Variants in POU5F2 observed in about 807,000 individuals in gnomAD.
POU5F2 encodes the protein POU domain class 5, transcription factor 2.
For synonymous variants in POU5F2, 191 were observed against 178.7 expected (o/e 1.07, Z -0.55); for missense variants, 401 against 426.6 (o/e 0.94, Z 0.53).
chr5:93,734,104 AC>A lies in POU5F2; in HGVS notation c.*6472del, dbSNP rs1157905385. ...TTGAAATAAGGGCAGGTATCCAAAC[AC>A]CTCATGATTTCTTAGAGAATAAGAA... On this transcript the variant is annotated 3_prime_UTR_variant, in exon 1 of 1. Transcript: ENST00000606183. The A allele has an allele frequency of 6.6e-6, 1 of 152,200 alleles. No homozygotes were observed. Among genetic ancestry groups the A allele is most frequent in the Non-Finnish European group, 1.5e-5 (1 of 68,036 alleles). The allele number at this position is 152,200 out of a possible 1,614,324, so 9.4% of individuals were successfully genotyped here.
In POU5F2 at chr5:93,735,729, T is replaced by A. The variant is rs1747084428; in HGVS notation, c.*4848A>T. ...AAGCTAAGCAATTAGGATTTGGCTT[T>A]ATTTTCACTAACTTATGTGGATCCT... is the stretch of plus-strand genomic sequence containing the variant. On this transcript the variant is annotated 3_prime_UTR_variant, in exon 1 of 1. Transcript: ENST00000606183. 6.6e-6 allele frequency: 1 copy of A among 152,294 alleles called. No individual in the cohort carries two copies. The highest frequency in any genetic ancestry group is 1.9e-4 in the East Asian group (1 of 5,172). The allele number at this position is 152,294 out of a possible 1,614,324, so 9.4% of individuals were successfully genotyped here. A position where few individuals can be genotyped will look rare whatever the true frequency, so the allele number is the denominator to read the frequency against.
chr5:93,741,309 A>G lies in POU5F2; in HGVS notation c.255T>C (p.Ala85=), dbSNP rs111528856. 4.3e-6 allele frequency: 7 copies of G among 1,613,468 alleles called. No individual in the cohort carries two copies. The change falls in exon 1 of 1, where the codon GCT becomes GCC. Residue 85 remains alanine, a synonymous_variant. Transcript: ENST00000606183. ...GTCGCAACCAGTCCCCTGCCTCACT[A>G]GCTCCAAGACGGGGCCTGCAGGGTG... The part of the protein sequence containing the change: ...WIAPCRPRLG[A]SEAGDWLRRP...
chr5:93,734,466 T>TA lies in POU5F2; in HGVS notation c.*6110dup, dbSNP rs1561421072. ...TCCTCTTTGAATATGTGATGAAGGC[T>TA]ATGAACCATCTTTAAAGAAAATGCA... On this transcript the variant is annotated 3_prime_UTR_variant, in exon 1 of 1. Transcript: ENST00000606183. 6.6e-6 allele frequency: 1 copy of TA among 152,202 alleles called. No homozygotes were observed. Among genetic ancestry groups the TA allele is most frequent in the African/African-American group, 2.4e-5 (1 of 41,454 alleles). 9.4% of individuals were successfully genotyped at this position (152,202 alleles called of 1,614,324 possible). A position where few individuals can be genotyped will look rare whatever the true frequency, so the allele number is the denominator to read the frequency against.
chr5:93,740,916 GCTTGCCCGT>G lies in POU5F2; in HGVS notation c.639_647del (p.Arg213_Ala215del). On this transcript the variant is annotated inframe_deletion, in exon 1 of 1. Transcript: ENST00000606183. ...GGCTGTTTCCGATTCGTCGCTCTCT[GCTTGCCCGT>G]CTCCACTTCCCAGACTGTTGCAGGA... The G allele has an allele frequency of 1.9e-6, 3 of 1,613,966 alleles. No homozygotes were observed. Among genetic ancestry groups the G allele is most frequent in the Non-Finnish European group, 2.5e-6 (3 of 1,179,896 alleles).
Position 93,737,985 on chromosome 5 carries a change from T to C in POU5F2, c.*2592A>G, listed in dbSNP as rs761650314. On this transcript the variant is annotated 3_prime_UTR_variant, in exon 1 of 1. Transcript: ENST00000606183. Reference sequence around the variant, plus strand: ...ATGGATAAGCTGGACTTAATAAAAATTAAAGTCTGTCTGCATCAAAAGATA... The same window carrying C: ...ATGGATAAGCTGGACTTAATAAAAACTAAAGTCTGTCTGCATCAAAAGATA... 1 of 425,638 alleles carries C rather than the reference T, an allele frequency of 2.3e-6. No individual in the cohort carries two copies. Among genetic ancestry groups the C allele is most frequent in the South Asian group, 1.7e-5 (1 of 57,196 alleles). The allele number at this position is 425,638 out of a possible 1,614,324, so 26.4% of individuals were successfully genotyped here. A position where few individuals can be genotyped will look rare whatever the true frequency, so the allele number is the denominator to read the frequency against.
Position 93,741,397 on chromosome 5 carries a change from G to A in POU5F2, c.167C>T (p.Pro56Leu), listed in dbSNP as rs753112880. 1 of 1,613,286 alleles carries A rather than the reference G, an allele frequency of 6.2e-7. No individual in the cohort carries two copies. Among genetic ancestry groups the A allele is most frequent in the Non-Finnish European group, 8.5e-7 (1 of 1,179,736 alleles). ...GGGAATCCTCCACACGTCAGGGCCT[G>A]GGCAGATCCCTGGCCTGACTGCCGG... ...VWPAVRPGICPGPDVWRIPLG... is the reference protein window; with the variant it reads ...VWPAVRPGICLGPDVWRIPLG... The change falls in exon 1 of 1, where the codon CCA becomes CTA. Residue 56 changes from proline to leucine, a missense_variant. Coordinates refer to ENST00000606183, the MANE Select transcript of POU5F2 (RefSeq NM_153216.2).
chr5:93,740,691 G>C lies in POU5F2; in HGVS notation c.873C>G (p.Cys291Trp). ...CTGGGAGCCCCAGTCCCAGGTGAAA[G>C]CACACTGGTGCTCCTGGGCAAGGAG... is the stretch of plus-strand genomic sequence containing the variant. ...AGPPCPGAPV[C>W]FHLGLGLPVD... Residue 291 changes from cysteine (C) to tryptophan (W), a missense_variant, in exon 1 of 1, where the codon TGC becomes TGG. Physicochemically the swap from Cys to Trp is radical, Grantham distance 215 (BLOSUM62 -2). Transcript: ENST00000606183. The C allele has an allele frequency of 6.2e-7, 1 of 1,613,838 alleles. No individual in the cohort carries two copies. Among genetic ancestry groups the C allele is most frequent in the Non-Finnish European group, 8.5e-7 (1 of 1,179,810 alleles).
Position 93,741,020 on chromosome 5 carries a change from G to A in POU5F2, c.544C>T (p.Pro182Ser). 2 of 1,613,798 alleles carry A rather than the reference G, an allele frequency of 1.2e-6. No homozygotes were observed. Among genetic ancestry groups the A allele is most frequent in the Non-Finnish European group, 1.7e-6 (2 of 1,179,900 alleles). Reference sequence around the variant, plus strand: ...TCCTTCAGCCACTTTTTCAGCAGTGGTCGCAGCTTCCACATGTTGGCGACG... The same window carrying A: ...TCCTTCAGCCACTTTTTCAGCAGTGATCGCAGCTTCCACATGTTGGCGACG... ...LSVANMWKLR[P>S]LLKKWLKEVE... Residue 182 changes from proline (P) to serine (S), a missense_variant, in exon 1 of 1, where the codon CCA (proline) becomes TCA (serine). Coordinates refer to ENST00000606183, the MANE Select transcript of POU5F2 (RefSeq NM_153216.2).
In POU5F2 at chr5:93,734,342, C is replaced by CTATTATATAGGT. The variant is rs1399500714; in HGVS notation, c.*6223_*6234dup. On this transcript the variant is annotated 3_prime_UTR_variant, in exon 1 of 1. Transcript: ENST00000606183. ...AGATTCAAAGAAAACCAGAAATTAC[C>CTATTATATAGGT]TATTATATAGGTACTGTCAAAAGAA... The CTATTATATAGGT allele has an allele frequency of 1.3e-5, 2 of 151,982 alleles. No homozygotes were observed. The highest frequency in any genetic ancestry group is 2.9e-5 in the Non-Finnish European group (2 of 67,990). 9.4% of individuals were successfully genotyped at this position (151,982 alleles called of 1,614,324 possible).
At position 93,733,761 on chromosome 5, in the gene POU5F2, G is replaced by C. The variant is rs187483184; in HGVS notation, c.*6816C>G. ...TCCTAAGTTTTATTCTTTCAGTTTA[G>C]AATCACTTTGTCAAGGACATTTCCA... On this transcript the variant is annotated 3_prime_UTR_variant, in exon 1 of 1. Coordinates refer to ENST00000606183, the MANE Select transcript of POU5F2 (RefSeq NM_153216.2). The C allele has an allele frequency of 4.2e-4, 64 of 152,090 alleles. No homozygotes were observed. Among genetic ancestry groups the C allele is most frequent in the Non-Finnish European group, 4.4e-5 (3 of 67,998 alleles). The allele number at this position is 152,090 out of a possible 1,614,324, so 9.4% of individuals were successfully genotyped here.
chr5:93,739,947 C>T lies in POU5F2; in HGVS notation c.*630G>A, dbSNP rs1021121575. The T allele has an allele frequency of 7.0e-6, 1 of 142,572 alleles. No homozygotes were observed. Among genetic ancestry groups the T allele is most frequent in the African/African-American group, 2.7e-5 (1 of 37,590 alleles). The allele number at this position is 142,572 out of a possible 1,614,324, so 8.8% of individuals were successfully genotyped here. ...GGACTACATAAAGTAGGGAGAGGAACTGAGACCCTGACATGAAGCTGGGGC... is the reference window on the plus strand; with the variant it reads ...GGACTACATAAAGTAGGGAGAGGAATTGAGACCCTGACATGAAGCTGGGGC... On this transcript the variant is annotated 3_prime_UTR_variant, in exon 1 of 1. Coordinates refer to ENST00000606183, the MANE Select transcript of POU5F2 (RefSeq NM_153216.2).
Position 93,740,642 on chromosome 5 carries a change from G to C in POU5F2, c.922C>G (p.Leu308Val). The C allele has an allele frequency of 6.2e-7, 1 of 1,613,746 alleles. No individual in the cohort carries two copies. Among genetic ancestry groups the C allele is most frequent in the Non-Finnish European group, 8.5e-7 (1 of 1,179,716 alleles). ...GAGTGGGCTACCCCTGCAGAGTAGA[G>C]ACGTGTATAGTGGGGGATATCCACT... ...LPVDIPHYTR[L>V]YSAGVAHSSA... The change falls in exon 1 of 1, where the codon CTC becomes GTC. Residue 308 changes from leucine to valine, a missense_variant. Coordinates refer to ENST00000606183, the MANE Select transcript of POU5F2 (RefSeq NM_153216.2).
Position 93,738,142 on chromosome 5 carries a change from C to T in POU5F2, c.*2435G>A, listed in dbSNP as rs1747616378. On this transcript the variant is annotated 3_prime_UTR_variant, in exon 1 of 1. Coordinates refer to ENST00000606183, the MANE Select transcript of POU5F2 (RefSeq NM_153216.2). ...CCCAGTTTTAAAAATAGGCAAAGGACTTGAATAGACATTTCTTTAAAGAAG... is the reference window on the plus strand; with the variant it reads ...CCCAGTTTTAAAAATAGGCAAAGGATTTGAATAGACATTTCTTTAAAGAAG... 2 of 198,214 alleles carry T rather than the reference C, an allele frequency of 1.0e-5. No homozygotes were observed. Among genetic ancestry groups the T allele is most frequent in the South Asian group, 1.4e-4 (2 of 14,206 alleles). 12.3% of individuals were successfully genotyped at this position (198,214 alleles called of 1,614,324 possible). A position where few individuals can be genotyped will look rare whatever the true frequency, so the allele number is the denominator to read the frequency against.
rs1369214320 is a variant in POU5F2 at position 93,735,607 on chromosome 5, A to C, written c.*4970T>G. ...AAACATCTCCTTTCTAAGGCTTTCCAGAAGGGCTGTCTAGGAAAAGGAGGA... is the reference window on the plus strand; with the variant it reads ...AAACATCTCCTTTCTAAGGCTTTCCCGAAGGGCTGTCTAGGAAAAGGAGGA... On this transcript the variant is annotated 3_prime_UTR_variant, in exon 1 of 1. Coordinates refer to ENST00000606183, the MANE Select transcript of POU5F2 (RefSeq NM_153216.2). 1 of 152,264 alleles carries C rather than the reference A, an allele frequency of 6.6e-6. No individual in the cohort carries two copies. The highest frequency in any genetic ancestry group is 1.5e-5 in the Non-Finnish European group (1 of 68,076). 9.4% of individuals were successfully genotyped at this position (152,264 alleles called of 1,614,324 possible). A position where few individuals can be genotyped will look rare whatever the true frequency, so the allele number is the denominator to read the frequency against.
At position 93,740,592 on chromosome 5, in the gene POU5F2, G is replaced by A. The variant is rs752023696; in HGVS notation, c.972C>T (p.Gly324=). ...CCCCTCAGCCCTAAAATCTGAGGAG[G>A]CCCAGAGTGGTGGCTGGGGCAGAGG... ...AHSSAPATTL[G]LLRF is the part of the protein sequence containing the mutation. Residue 324 remains glycine (G), a synonymous_variant, in exon 1 of 1, where the codon GGC becomes GGT. Coordinates refer to ENST00000606183, the MANE Select transcript of POU5F2 (RefSeq NM_153216.2). The A allele has an allele frequency of 1.3e-5, 21 of 1,597,192 alleles. 1 individual carries two copies. In the South Asian group the frequency reaches 1.8e-4, roughly 13 times the overall value.
chr5:93,741,217 G>A lies in POU5F2; in HGVS notation c.347C>T (p.Pro116Leu). Residue 116 changes from proline to leucine, a missense_variant, in exon 1 of 1, where the codon CCA (proline) becomes CTA (leucine). By Grantham distance (98) the Pro-to-Leu change is moderately conservative (BLOSUM62 -3). Coordinates refer to ENST00000606183, the MANE Select transcript of POU5F2 (RefSeq NM_153216.2). ...TTTCAGTATGCCCGAGATGTCCTCT[G>A]GCGGCGGCAACTTCGGAATGCTCCG... ...ALRSIPKLPP[P>L]EDISGILKEL... 6.2e-7 allele frequency: 1 copy of A among 1,613,862 alleles called. No individual in the cohort carries two copies. Among genetic ancestry groups the A allele is most frequent in the Non-Finnish European group, 8.5e-7 (1 of 1,179,890 alleles).
rs928145556 is a variant in POU5F2, at chr5:93,739,805, G to A, written c.*772C>T. 9 of 152,206 alleles carry A rather than the reference G, an allele frequency of 5.9e-5. No individual in the cohort carries two copies. Among genetic ancestry groups the A allele is most frequent in the African/African-American group, 1.9e-4 (8 of 41,522 alleles). The allele number at this position is 152,206 out of a possible 1,614,324, so 9.4% of individuals were successfully genotyped here. ...AATTCCCAGGGAACCAAATAGAGGTGAAAACAGGAGGAGTAAGCTACAGCT... is the reference window on the plus strand; with the variant it reads ...AATTCCCAGGGAACCAAATAGAGGTAAAAACAGGAGGAGTAAGCTACAGCT... On this transcript the variant is annotated 3_prime_UTR_variant, in exon 1 of 1. Transcript: ENST00000606183.
In POU5F2 at chr5:93,740,631, T is replaced by A. The variant is rs1178863094; in HGVS notation, c.933A>T (p.Ala311=). The change falls in exon 1 of 1, where the codon GCA becomes GCT. Residue 311 remains alanine (A), a synonymous_variant. Coordinates refer to ENST00000606183, the MANE Select transcript of POU5F2 (RefSeq NM_153216.2). ...CTGGGGCAGAGGAGTGGGCTACCCC[T>A]GCAGAGTAGAGACGTGTATAGTGGG... The part of the protein sequence containing the change: ...DIPHYTRLYS[A]GVAHSSAPAT... 3 of 1,611,090 alleles carry A rather than the reference T, an allele frequency of 1.9e-6. No individual in the cohort carries two copies. Among genetic ancestry groups the A allele is most frequent in the South Asian group, 1.1e-5 (1 of 91,048 alleles).
In POU5F2 at chr5:93,738,731, A is replaced by G. The variant is rs545557926; in HGVS notation, c.*1846T>C. 6.6e-6 allele frequency: 1 copy of G among 152,370 alleles called. No individual in the cohort carries two copies. The highest frequency in any genetic ancestry group is 2.4e-5 in the African/African-American group (1 of 41,586). The allele number at this position is 152,370 out of a possible 1,614,324, so 9.4% of individuals were successfully genotyped here. On this transcript the variant is annotated 3_prime_UTR_variant, in exon 1 of 1. Transcript: ENST00000606183. ...AAAAGGTCAAATGTTGTATGGTTCC[A>G]TGAATATGAACTGCTTAGAACTGGC...
Sources: gnomAD v4.1 joint callset for allele counts on GRCh38, gnomAD v4.1.1 for gene constraint, MANE v1.5 for transcripts, NCBI Gene and HGNC (gene_info 2026-07-23, HGNC 2026-07-21) for gene names.